The following POLR3A variants were observed in gnomAD, a reference collection of about 807,000 sequenced individuals.
POLR3A encodes RNA polymerase III subunit A.
A neutral mutation model predicts 152.8 loss-of-function variants in POLR3A; 112 were observed. The observed-to-expected ratio is 0.73, with a 90% CI of 0.63 to 0.86. POLR3A has a LOEUF of 0.86. POLR3A is among the 40% of genes least tolerant of loss of function. The pLI is 0.00. For synonymous variants in POLR3A, 615 were observed against 652.1 expected (o/e 0.94, Z 0.87); for missense variants, 1,385 against 1,743.1 (o/e 0.79, Z 3.66).
rs554641896 is a variant in POLR3A at position 78,003,173 on chromosome 10, A to G, written c.2248-865T>C. On this transcript the variant is annotated intron_variant, in intron 16 of 30. Transcript: ENST00000372371. Reference sequence around the variant, plus strand: ...CTGAATCAGTTACAAGTCTGGTTCCATGAAAAATTGCTGCTGCCGAGGTCT... The same window carrying G: ...CTGAATCAGTTACAAGTCTGGTTCCGTGAAAAATTGCTGCTGCCGAGGTCT... Among the ~76,000 whole-genome samples, 6 of 152,336 alleles carry G rather than the reference A, an allele frequency of 3.9e-5. No homozygotes were observed. In the South Asian group the frequency reaches 8.3e-4, roughly 21 times the overall value.
chr10:78,016,154 T>C (rs1221441825), intron 10 of POLR3A, among the ~76,000 whole-genome samples: 1 of 152,174 alleles, frequency 6.6e-6, no homozygotes, highest in African/African-American at 2.4e-5. Context: ...AAGGAACTGC[T>C]GCTGTTGCAA....
chr10:77,977,551 T>A lies in POLR3A; in HGVS notation c.4100A>T (p.Asp1367Val), dbSNP rs1460651857. 6.2e-7 allele frequency: 1 copy of A among 1,613,888 alleles called. No homozygotes were observed. Among genetic ancestry groups the A allele is most frequent in the Non-Finnish European group, 8.5e-7 (1 of 1,179,912 alleles). The change falls in exon 31 of 31, where the codon GAC becomes GTC. Residue 1367 changes from aspartate (D) to valine (V), a missense_variant. Asp to Val is a radical substitution (Grantham distance 152, BLOSUM62 -3). Coordinates refer to ENST00000372371, the MANE Select transcript of POLR3A (RefSeq NM_007055.4). ...CCTCTTGGGAGGGTTCGGGTCCCTG[T>A]CAGCCTTGTGAAGCAGCTTGAAGAG... ...TGLFKLLHKADRDPNPPKRPL... is the reference protein window; with the variant it reads ...TGLFKLLHKAVRDPNPPKRPL...
chr10:77,977,412 T>C lies in POLR3A; in HGVS notation c.*66A>G. ...ACCCCCGTCCCAGGGAGCACAAAAC[T>C]CTTTATACATCAGCTGGAGACAGGA... On this transcript the variant is annotated 3_prime_UTR_variant, in exon 31 of 31. Coordinates refer to ENST00000372371, the MANE Select transcript of POLR3A (RefSeq NM_007055.4). 1.3e-6 allele frequency: 2 copies of C among 1,569,848 alleles called. No individual in the cohort carries two copies. The highest frequency in any genetic ancestry group is 1.7e-5 in the Admixed American group (1 of 59,924).
In POLR3A at chr10:78,021,628, A is replaced by C; in HGVS notation, c.1103T>G (p.Val368Gly). Reference protein sequence around the residue: ...GKRVDFSGRTVISPDPNLRID... With the variant: ...GKRVDFSGRTGISPDPNLRID... Reference sequence around the variant, plus strand: ...CCGGAGGTTGGGGTCGGGCGAGATGACTGTTCTGCCAGAAAAATCCACTCT... The same window carrying C: ...CCGGAGGTTGGGGTCGGGCGAGATGCCTGTTCTGCCAGAAAAATCCACTCT... Residue 368 changes from valine (V) to glycine (G), a missense_variant, in exon 8 of 31, where the codon GTC becomes GGC. Physicochemically the swap from Val to Gly is moderately radical, Grantham distance 109. Coordinates refer to ENST00000372371, the MANE Select transcript of POLR3A (RefSeq NM_007055.4). 1 of 1,614,150 alleles carries C rather than the reference A, an allele frequency of 6.2e-7. No homozygotes were observed. Among genetic ancestry groups the C allele is most frequent in the Non-Finnish European group, 8.5e-7 (1 of 1,180,022 alleles).
chr10:77,983,314 G>A (rs767525054), intron 26 of POLR3A, among the ~76,000 whole-genome samples: 3 of 152,300 alleles, frequency 2.0e-5, no homozygotes, highest in Non-Finnish European at 4.4e-5. Flanking sequence ...CTGTTATATG[G>A]GTAACATATG....
At chr10:78,026,283 T>A in intron 1 of POLR3A, 54 bp from the exon 2 acceptor site, 1 of 1,600,916 alleles carries the variant, frequency 6.2e-7, no homozygotes, top group South Asian at 1.1e-5. Flanking sequence ...ACCAAAAATG[T>A]CTATTACATA....
intron 30 of POLR3A, among the ~76,000 whole-genome samples, chr10:77,979,226 T>A (rs1847117264): frequency 6.6e-6 from 1 of 152,226 alleles, no homozygotes; most frequent in Non-Finnish European, 1.5e-5. Flanking sequence ...TATACTCTAA[T>A]GATGCCAATC....
Position 77,977,415 on chromosome 10 carries a change from T to C in POLR3A, c.*63A>G. ...CCCGTCCCAGGGAGCACAAAACTCT[T>C]TATACATCAGCTGGAGACAGGACAA... On this transcript the variant is annotated 3_prime_UTR_variant, in exon 31 of 31. Transcript: ENST00000372371. 6.3e-7 allele frequency: 1 copy of C among 1,576,694 alleles called. No homozygotes were observed. The highest frequency in any genetic ancestry group is 8.7e-7 in the Non-Finnish European group (1 of 1,147,108).
At chr10:78,024,849 G>A in intron 4 of POLR3A, 122 bp downstream of exon 4, 1 of 1,375,582 alleles carries the variant, frequency 7.3e-7, no homozygotes, top group Non-Finnish European at 1.0e-6. Context: ...CAGTTGTTGG[G>A]CTCTTAAGCC....
chr10:77,977,694 A>G (rs1195405620), intron 30 of POLR3A, 68 bp from the exon 31 acceptor site: 2 of 1,391,510 alleles, frequency 1.4e-6, no homozygotes, highest in Non-Finnish European at 2.0e-6. Flanking sequence ...AAGAAAGACT[A>G]TTGGCTTAAG....
chr10:78,003,436 GCCTGGT>G (rs1847376334), intron 16 of POLR3A, among the ~76,000 whole-genome samples: 1 of 152,188 alleles, frequency 6.6e-6, no homozygotes, highest in Admixed American at 6.5e-5. Context: ...CCAGGTGAAA[GCCTGGT>G]GCACTCAGAC....
chr10:77,980,876 T>C (rs954565912), intron 29 of POLR3A, among the ~76,000 whole-genome samples: 12 of 152,150 alleles, frequency 7.9e-5, no homozygotes, highest in African/African-American at 2.9e-4. Flanking sequence ...AAATAGTCTG[T>C]AATACTCTAT....
intron 29 of POLR3A, 109 bp from the exon 30 acceptor site, chr10:77,980,382 A>C: frequency 1.1e-5 from 11 of 1,044,344 alleles, no homozygotes; most frequent in Non-Finnish European, 1.5e-5. Flanking sequence ...CCAAGACCCA[A>C]CGTCAGGTGT....
chr10:78,011,363 G>A (rs935730731), intron 11 of POLR3A, among the ~76,000 whole-genome samples: 11 of 152,168 alleles, frequency 7.2e-5, no homozygotes, highest in Admixed American at 6.5e-4. Flanking sequence ...GGGCAAAAAA[G>A]GGTGTTAGGT....
In POLR3A at chr10:78,029,500, C is replaced by G; in HGVS notation, c.-93G>C. Reference sequence around the variant, plus strand: ...CCTCCTGGGGCTGCTTCTGGACTCGCCGCTAACACATCTGCGGCATCCTCT... The same window carrying G: ...CCTCCTGGGGCTGCTTCTGGACTCGGCGCTAACACATCTGCGGCATCCTCT... On this transcript the variant is annotated 5_prime_UTR_variant, in exon 1 of 31. Transcript: ENST00000372371. The G allele has an allele frequency of 1.5e-6, 2 of 1,291,492 alleles. No individual in the cohort carries two copies. Among genetic ancestry groups the G allele is most frequent in the Non-Finnish European group, 2.2e-6 (2 of 896,054 alleles). The allele number at this position is 1,291,492 out of a possible 1,614,324, so 80.0% of individuals were successfully genotyped here. A position where few individuals can be genotyped will look rare whatever the true frequency, so the allele number is the denominator to read the frequency against.
chr10:77,982,353 G>A (rs377628511), intron 27 of POLR3A, 35 bp from the exon 28 acceptor site: 1 of 1,606,830 alleles, frequency 6.2e-7, no homozygotes, highest in African/African-American at 1.3e-5. Flanking sequence ...GTGAGGACGG[G>A]GTGAGCCATG....
At chr10:77,995,271 A>G (rs1437056211) in intron 19 of POLR3A, among the ~76,000 whole-genome samples, 1 of 152,226 alleles carries the variant, frequency 6.6e-6, no homozygotes, top group Non-Finnish European at 1.5e-5. Context: ...CAAAATAACC[A>G]GCTAACATCA....
intron 21 of POLR3A, among the ~76,000 whole-genome samples, chr10:77,990,205 T>TA (rs142485164): frequency 0.028 from 4,014 of 142,592 alleles, 134 homozygotes; most frequent in East Asian, 0.099. Context: ...GTCAGAACCA[T>TA]AAAAAAAAAA....
chr10:77,994,498 T>TA (rs35711002), intron 19 of POLR3A, among the ~76,000 whole-genome samples: 1,775 of 120,980 alleles, frequency 0.015, 14 homozygotes, highest in East Asian at 0.023. Context: ...AAACATTACT[T>TA]AAAAAAAAAA....
Sources: gnomAD v4.1 joint callset for allele counts (sites outside exome capture counted in the v4.1 genomes callset) on GRCh38, gnomAD v4.1.1 for gene constraint, MANE v1.5 for transcripts, NCBI Gene and HGNC (gene_info 2026-07-23, HGNC 2026-07-21) for gene names.